The following INPP4B variants were observed in gnomAD, a reference collection of about 807,000 sequenced individuals.
The protein encoded by INPP4B is inositol polyphosphate 4-phosphatase type II.
In INPP4B, 55 loss-of-function variants were observed where a neutral mutation model predicts 122.5. The ratio of observed to expected loss-of-function variants is 0.45; its 90% CI spans 0.36 to 0.56. INPP4B has a LOEUF of 0.56. Ranked by LOEUF, INPP4B falls within the 20% of genes least tolerant of loss-of-function variation. The probability of loss-of-function intolerance (pLI) is 0.00; values close to 1 mark genes in which losing one functional copy is unlikely to be tolerated. For synonymous variants in INPP4B, 403 were observed against 388.7 expected (o/e 1.04, Z -0.43); for missense variants, 1,000 against 1,097.7 (o/e 0.91, Z 1.26).
intron 2 of INPP4B, among the ~76,000 whole-genome samples, chr4:142,701,499 G>A (rs1263311860): frequency 4.2e-5 from 6 of 144,302 alleles, no homozygotes; most frequent in African/African-American, 1.0e-4. Flanking sequence ...AAGCAGCACC[G>A]AGCAGCCAAA....
At chr4:142,270,872 A>G in intron 9 of INPP4B, 98 bp from the exon 10 acceptor site, 1 of 769,494 alleles carries the variant, frequency 1.3e-6, no homozygotes. Flanking sequence ...CAGCATTGTT[A>G]TTTACTTAAT....
chr4:142,751,339 A>G (rs1468955191), intron 1 of INPP4B, among the ~76,000 whole-genome samples: 1 of 150,620 alleles, frequency 6.6e-6, no homozygotes, highest in African/African-American at 2.4e-5. Flanking sequence ...TCAAGTATGG[A>G]GAGGGAGTGT....
At chr4:142,135,224 T>C (rs887588241) in intron 18 of INPP4B, among the ~76,000 whole-genome samples, 20 of 152,176 alleles carry the variant, frequency 1.3e-4, no homozygotes, top group African/African-American at 4.3e-4. Context: ...GTTCTGGAGA[T>C]TCAAGAACAA....
At chr4:142,417,594 A>C (rs774641854) in intron 5 of INPP4B, among the ~76,000 whole-genome samples, 7 of 152,168 alleles carry the variant, frequency 4.6e-5, no homozygotes, top group Admixed American at 2.0e-4. Flanking sequence ...TATTATCTGC[A>C]ATTCACAGAT....
chr4:142,057,728 T>G (rs1056295139), intron 25 of INPP4B, among the ~76,000 whole-genome samples: 5 of 152,180 alleles, frequency 3.3e-5, no homozygotes, highest in Non-Finnish European at 7.3e-5. Context: ...AAATTTGCTT[T>G]TTTACTCCTT....
chr4:142,289,385 A>G (rs888079547), intron 9 of INPP4B, among the ~76,000 whole-genome samples: 1 of 152,154 alleles, frequency 6.6e-6, no homozygotes, highest in African/African-American at 2.4e-5. Context: ...AAAATTTCCA[A>G]CTTTTAAGTT....
chr4:142,738,000 C>T (rs1237176080), intron 1 of INPP4B, among the ~76,000 whole-genome samples: 1 of 152,216 alleles, frequency 6.6e-6, no homozygotes, highest in Non-Finnish European at 1.5e-5. Flanking sequence ...AACACTTTCA[C>T]ACTGTTGGTG....
chr4:142,046,196 A>T (rs1362320659), intron 25 of INPP4B, among the ~76,000 whole-genome samples: 3 of 152,182 alleles, frequency 2.0e-5, no homozygotes, highest in African/African-American at 7.2e-5. Context: ...AGTGTTATTT[A>T]TAGCAACTTA....
At chr4:142,276,533 G>T (rs1305109992) in intron 9 of INPP4B, among the ~76,000 whole-genome samples, 3 of 151,854 alleles carry the variant, frequency 2.0e-5, no homozygotes, top group Non-Finnish European at 4.4e-5. Context: ...ATTATGAGCA[G>T]GCAACTCAGC....
At chr4:142,286,373 G>A (rs1410008109) in intron 9 of INPP4B, among the ~76,000 whole-genome samples, 2 of 152,058 alleles carry the variant, frequency 1.3e-5, no homozygotes, top group Non-Finnish European at 2.9e-5. Flanking sequence ...AATATATTTT[G>A]GTATTTGGCA....
chr4:142,325,162 T>G (rs1771851306), intron 7 of INPP4B, among the ~76,000 whole-genome samples: 1 of 152,220 alleles, frequency 6.6e-6, no homozygotes, highest in African/African-American at 2.4e-5. Context: ...TTCTAGGTGT[T>G]GCCAGAAGGA....
chr4:142,810,268 G>A (rs1013220027), intron 1 of INPP4B, among the ~76,000 whole-genome samples: 1 of 151,774 alleles, frequency 6.6e-6, no homozygotes, highest in African/African-American at 2.4e-5. Flanking sequence ...TTTTATGTTA[G>A]TTATGTATAT....
intron 2 of INPP4B, among the ~76,000 whole-genome samples, chr4:142,618,796 T>C (rs1357145063): frequency 1.3e-5 from 2 of 152,010 alleles, no homozygotes; most frequent in East Asian, 1.9e-4. Flanking sequence ...AGACAATCTG[T>C]GGAATGGAGA....
At chr4:142,195,486 A>G (rs958029980) in intron 14 of INPP4B, among the ~76,000 whole-genome samples, 1 of 152,206 alleles carries the variant, frequency 6.6e-6, no homozygotes, top group African/African-American at 2.4e-5. Context: ...AACCTTTTAG[A>G]CTTGATGGAT....
intron 2 of INPP4B, among the ~76,000 whole-genome samples, chr4:142,498,151 GTGTATACATATATATGTA>G (rs1560725487): frequency 1.3e-5 from 2 of 148,392 alleles, no homozygotes; most frequent in Non-Finnish European, 3.0e-5. Context: ...ACATACATAT[GTGTATACATATATATGTA>G]TGTATACATA....
chr4:142,575,089 G>A (rs1178635956), intron 2 of INPP4B, among the ~76,000 whole-genome samples: 5 of 151,984 alleles, frequency 3.3e-5, no homozygotes, highest in African/African-American at 1.2e-4. Context: ...TTCTTATAAG[G>A]ATCGAAAGAA....
At chr4:142,172,797 A>G (rs193085817) in intron 16 of INPP4B, among the ~76,000 whole-genome samples, 1 of 152,068 alleles carries the variant, frequency 6.6e-6, no homozygotes, top group Non-Finnish European at 1.5e-5. Flanking sequence ...TTACTCTACA[A>G]TTACGAGAAT....
intron 1 of INPP4B, among the ~76,000 whole-genome samples, chr4:142,806,395 AT>A (rs914663113): frequency 6.6e-6 from 1 of 151,488 alleles, no homozygotes; most frequent in Non-Finnish European, 1.5e-5. Flanking sequence ...ATTTAAATAC[AT>A]TTTTTTAAAA....
chr4:142,620,496 C>T (rs1204474681), intron 2 of INPP4B, among the ~76,000 whole-genome samples: 1 of 151,826 alleles, frequency 6.6e-6, no homozygotes. Flanking sequence ...GACACTCGTG[C>T]CCACTTGAGG....
Sources: allele counts gnomAD v4.1 joint callset (sites outside exome capture counted in the v4.1 genomes callset), GRCh38; gene constraint gnomAD v4.1.1; transcripts MANE v1.5; gene names NCBI Gene and HGNC (gene_info 2026-07-23, HGNC 2026-07-21).